The following DLGAP2 variants were observed in gnomAD, a reference collection of about 807,000 sequenced individuals.
DLGAP2 encodes the protein DLG associated protein 2.
Under a neutral mutation model 100.3 loss-of-function variants are expected in DLGAP2, and 26 were observed. The observed-to-expected ratio is 0.26, with a 90% CI of 0.19 to 0.36. The LOEUF (loss-of-function observed/expected upper bound fraction) is 0.36. DLGAP2 is among the 10% of genes least tolerant of loss of function. DLGAP2 has a pLI of 1.00. For synonymous variants in DLGAP2, 886 were observed against 630.1 expected (o/e 1.41, Z -6.08); for missense variants, 1,858 against 1,453.2 (o/e 1.28, Z -4.53).
intron 2 of DLGAP2, among the ~76,000 whole-genome samples, chr8:1,097,014 C>CA (rs1338150264): frequency 9.1e-6 from 1 of 110,362 alleles, no homozygotes; most frequent in East Asian, 2.9e-4. Context: ...TCAGGAGAGT[C>CA]AAGCTGGGAG....
At chr8:1,685,347 T>A (rs1284647146) in intron 12 of DLGAP2, among the ~76,000 whole-genome samples, 8 of 152,228 alleles carry the variant, frequency 5.3e-5, no homozygotes, top group African/African-American at 1.9e-4. Flanking sequence ...TCAGAAATAC[T>A]GATGACGTTC....
chr8:1,318,980 C>T (rs1330745676), intron 3 of DLGAP2, among the ~76,000 whole-genome samples: 1 of 152,160 alleles, frequency 6.6e-6, no homozygotes, highest in Non-Finnish European at 1.5e-5. Context: ...GACATAGTCT[C>T]TGTTTTATGG....
At chr8:908,942 T>C (rs986026569) in intron 2 of DLGAP2, among the ~76,000 whole-genome samples, 1 of 152,186 alleles carries the variant, frequency 6.6e-6, no homozygotes, top group Non-Finnish European at 1.5e-5. Flanking sequence ...TGTTGGGATT[T>C]ACTGTTGACT....
intron 2 of DLGAP2, among the ~76,000 whole-genome samples, chr8:1,244,359 A>G (rs898337668): frequency 1.3e-5 from 2 of 152,242 alleles, no homozygotes; most frequent in African/African-American, 4.8e-5. Context: ...GGCTGAGCAC[A>G]TGTGTTAAAC....
intron 6 of DLGAP2, among the ~76,000 whole-genome samples, chr8:1,584,645 C>T (rs1173285320): frequency 6.6e-6 from 1 of 152,162 alleles, no homozygotes; most frequent in African/African-American, 2.4e-5. Context: ...GATGTCTCTC[C>T]TCAGAAGCTC....
chr8:804,603 T>G (rs1017912573), intron 1 of DLGAP2, among the ~76,000 whole-genome samples: 29 of 152,254 alleles, frequency 1.9e-4, no homozygotes, highest in African/African-American at 6.5e-4. Flanking sequence ...CTAAGCTGCC[T>G]GTACTTTACC....
intron 1 of DLGAP2, among the ~76,000 whole-genome samples, chr8:847,736 G>A (rs1483007554): frequency 6.6e-6 from 1 of 152,088 alleles, no homozygotes; most frequent in Non-Finnish European, 1.5e-5. Flanking sequence ...CAAAGTCTTA[G>A]CCTCAAGTGA....
At chr8:1,563,148 T>C (rs1241095798) in intron 5 of DLGAP2, among the ~76,000 whole-genome samples, 1 of 57,302 alleles carries the variant, frequency 1.7e-5, no homozygotes, top group East Asian at 6.0e-4. Flanking sequence ...TGTGTGGTGT[T>C]GGGGTGTCCG....
intron 4 of DLGAP2, among the ~76,000 whole-genome samples, chr8:1,543,556 G>C (rs1185214028): frequency 6.6e-6 from 1 of 152,132 alleles, no homozygotes; most frequent in Non-Finnish European, 1.5e-5. Context: ...TCCTTGTGTG[G>C]GGCCCCACCC....
Position 759,481 on chromosome 8 carries a change from G to A in DLGAP2, c.18+21656G>A, listed in dbSNP as rs182862307. 1.3e-3 allele frequency among the ~76,000 whole-genome samples: 203 copies of A among 151,028 alleles called. 1 individual carries two copies. The highest frequency in any genetic ancestry group is 4.6e-3 in the African/African-American group (190 of 41,042). On this transcript the variant is annotated intron_variant, in intron 1 of 14. Coordinates refer to ENST00000637795, the MANE Select transcript of DLGAP2 (RefSeq NM_001346810.2). Reference sequence around the variant, plus strand: ...TGCACAGGTGTGTGACCAGCACTCCGGAGTCCACGGTTGACGTGGGGCTCC... The same window carrying A: ...TGCACAGGTGTGTGACCAGCACTCCAGAGTCCACGGTTGACGTGGGGCTCC...
chr8:1,375,191 A>G (rs1436098851), intron 3 of DLGAP2, among the ~76,000 whole-genome samples: 1 of 84,890 alleles, frequency 1.2e-5, no homozygotes, highest in Non-Finnish European at 2.0e-5. Flanking sequence ...ACCCCTCTCC[A>G]CGGCCTCAGA....
At position 1,678,361 on chromosome 8, in the gene DLGAP2, C is replaced by G. The variant is rs200249004; in HGVS notation, c.2436C>G (p.Pro812=). The G allele has an allele frequency of 1.9e-6, 3 of 1,613,916 alleles. No individual in the cohort carries two copies. The highest frequency in any genetic ancestry group is 4.5e-5 in the East Asian group (2 of 44,894). ...SFQRHSEPST[P]TQYSAVRTVR... ...AGCGGCACTCCGAGCCCAGCACCCCCACCCAGTACAGCGCGGTGAGAACTG... is the reference window on the plus strand; with the variant it reads ...AGCGGCACTCCGAGCCCAGCACCCCGACCCAGTACAGCGCGGTGAGAACTG... The change falls in exon 12 of 15, where the codon CCC becomes CCG. Residue 812 remains proline (P), a synonymous_variant. Coordinates refer to ENST00000637795, the MANE Select transcript of DLGAP2 (RefSeq NM_001346810.2).
intron 2 of DLGAP2, among the ~76,000 whole-genome samples, chr8:1,242,406 G>T (rs763231850): frequency 9.9e-5 from 15 of 152,212 alleles, no homozygotes; most frequent in Admixed American, 1.3e-4. Flanking sequence ...ACCAGCCAGG[G>T]GTCAGCAGCG....
At chr8:1,694,644 A>G (rs1449741990) in intron 13 of DLGAP2, among the ~76,000 whole-genome samples, 1 of 152,146 alleles carries the variant, frequency 6.6e-6, no homozygotes, top group Non-Finnish European at 1.5e-5. Context: ...TCTGAATTTT[A>G]ACTCCATCCA....
chr8:1,506,416 T>C (rs961028195), intron 4 of DLGAP2, among the ~76,000 whole-genome samples: 2 of 152,204 alleles, frequency 1.3e-5, no homozygotes, highest in African/African-American at 2.4e-5. Flanking sequence ...CCTTTTAATG[T>C]TCAGACGTTT....
At chr8:896,395 C>T (rs545112834) in intron 1 of DLGAP2, among the ~76,000 whole-genome samples, 47 of 113,514 alleles carry the variant, frequency 4.1e-4, no homozygotes, top group Admixed American at 7.3e-4. Flanking sequence ...CCTGAGCTGC[C>T]GGGATGGTGT....
chr8:1,345,347 G>C (rs1801531823), intron 3 of DLGAP2, among the ~76,000 whole-genome samples: 1 of 150,966 alleles, frequency 6.6e-6, no homozygotes, highest in Non-Finnish European at 1.5e-5. Flanking sequence ...AAACACACTT[G>C]TTAGATTTCT....
intron 2 of DLGAP2, among the ~76,000 whole-genome samples, chr8:1,238,046 CCACATGGCGCCGTGTCTAGTTCTCT>C (rs543532731): frequency 0.36 from 1,881 of 5,160 alleles, 800 homozygotes; most frequent in Middle Eastern, 1. Context: ...TAGTTCTCTG[CCACATGGCGCCGTGTCTAGTTCTCT>C]CACATGGCGC....
intron 1 of DLGAP2, among the ~76,000 whole-genome samples, chr8:848,195 A>G (rs145218841): frequency 6.0e-4 from 91 of 152,370 alleles, no homozygotes; most frequent in African/African-American, 2.2e-3. Context: ...ACGATGTATT[A>G]TAGACTTATC....
Sources: allele counts gnomAD v4.1 joint callset (sites outside exome capture counted in the v4.1 genomes callset), GRCh38; gene constraint gnomAD v4.1.1; transcripts MANE v1.5; gene names NCBI Gene and HGNC (gene_info 2026-07-23, HGNC 2026-07-21).